Variants in ERO1A observed in about 807,000 individuals in gnomAD.
ERO1A encodes ERO1-like protein alpha.
Under a neutral mutation model 76.9 loss-of-function variants are expected in ERO1A, and 49 were observed. That is an observed-to-expected ratio of 0.64 (90% CI 0.51 to 0.81). The LOEUF (loss-of-function observed/expected upper bound fraction) is 0.81, where lower values mean the gene tolerates loss of function less well. Ranked by LOEUF, ERO1A falls within the 30% of genes least tolerant of loss-of-function variation. The pLI is 0.00. For missense variants in ERO1A, 448 were observed against 542.1 expected (o/e 0.83, Z 1.72); for synonymous variants, 174 against 181.2 (o/e 0.96, Z 0.32).
intron 13 of ERO1A, among the ~76,000 whole-genome samples, chr14:52,649,514 C>T (rs1454795166): frequency 6.6e-6 from 1 of 152,016 alleles, no homozygotes. Context: ...GACTCTCTAC[C>T]TAAACTTCAT....
At chr14:52,685,526 C>T (rs1243101538) in intron 1 of ERO1A, among the ~76,000 whole-genome samples, 1 of 152,166 alleles carries the variant, frequency 6.6e-6, no homozygotes, top group African/African-American at 2.4e-5. Flanking sequence ...AGCTGTTTCT[C>T]CCCTTTGATA....
At chr14:52,661,997 C>A (rs186631726) in intron 8 of ERO1A, among the ~76,000 whole-genome samples, 3 of 151,796 alleles carry the variant, frequency 2.0e-5, no homozygotes, top group Admixed American at 1.3e-4. Flanking sequence ...TAGTGAATAT[C>A]TTTTTAGTTT....
At chr14:52,682,172 T>C (rs1232520386) in intron 3 of ERO1A, among the ~76,000 whole-genome samples, 153 bp downstream of exon 3, 4 of 152,192 alleles carry the variant, frequency 2.6e-5, no homozygotes, top group Non-Finnish European at 5.9e-5. Context: ...GGCAGATGGA[T>C]TGTTTGAGCC....
At chr14:52,689,168 GGTCTCAAAC>G (rs1335184907) in intron 1 of ERO1A, among the ~76,000 whole-genome samples, 1 of 152,038 alleles carries the variant, frequency 6.6e-6, no homozygotes, top group African/African-American at 2.4e-5. Context: ...TGGTCAGGCT[GGTCTCAAAC>G]TCCTGACCTC....
chr14:52,687,875 C>G (rs2041228814), intron 1 of ERO1A, among the ~76,000 whole-genome samples: 1 of 152,138 alleles, frequency 6.6e-6, no homozygotes, highest in Admixed American at 6.5e-5. Context: ...TGACAAGTAA[C>G]ATGGACCACT....
chr14:52,644,862 G>A (rs140248625), intron 15 of ERO1A, among the ~76,000 whole-genome samples: 1 of 152,082 alleles, frequency 6.6e-6, no homozygotes, highest in Admixed American at 6.5e-5. Flanking sequence ...TAACTATCTA[G>A]CCCTTGGATG....
In ERO1A at chr14:52,684,029, C is replaced by T. The variant is rs369810143; in HGVS notation, c.115-122G>A. ...CCAGTCCTTATCCTCCCTCCTCCCA[C>T]ATAGTTTCTTGAGATGGGGTATGAC... On this transcript the variant is annotated intron_variant, in intron 1 of 15. Coordinates refer to ENST00000395686, the MANE Select transcript of ERO1A (RefSeq NM_014584.3). 4 of 638,932 alleles carry T rather than the reference C, an allele frequency of 6.3e-6. No homozygotes were observed. The East Asian group carries it at 8.5e-5, about 14-fold the overall frequency. The allele number at this position is 638,932 out of a possible 1,614,324, so 39.6% of individuals were successfully genotyped here. A position where few individuals can be genotyped will look rare whatever the true frequency, so the allele number is the denominator to read the frequency against.
chr14:52,689,775 GA>G (rs887824004), intron 1 of ERO1A, among the ~76,000 whole-genome samples: 3 of 151,704 alleles, frequency 2.0e-5, no homozygotes, highest in Admixed American at 6.6e-5. Context: ...CACAAAAATA[GA>G]AAAAAAAATT....
chr14:52,682,227 C>G (rs1223196855), intron 3 of ERO1A, 98 bp downstream of exon 3: 10 of 938,058 alleles, frequency 1.1e-5, no homozygotes, highest in Non-Finnish European at 1.6e-5. Context: ...AACCTCATCT[C>G]TATTTTTTCA....
rs1030260683 is a variant in ERO1A at position 52,695,540 on chromosome 14, G to A, written c.-59C>T. On this transcript the variant is annotated 5_prime_UTR_variant, in exon 1 of 16. Coordinates refer to ENST00000395686, the MANE Select transcript of ERO1A (RefSeq NM_014584.3). ...GAGGCCAGTCCGCACGCTCGGTCGCGGGCCGTGCGCCCTCAGATGAAGCCC... is the reference window on the plus strand; with the variant it reads ...GAGGCCAGTCCGCACGCTCGGTCGCAGGCCGTGCGCCCTCAGATGAAGCCC... The A allele has an allele frequency of 3.2e-6, 4 of 1,268,186 alleles. No individual in the cohort carries two copies. In the East Asian group the frequency reaches 9.2e-5, roughly 29 times the overall value. 78.6% of individuals were successfully genotyped at this position (1,268,186 alleles called of 1,614,324 possible).
intron 15 of ERO1A, 63 bp downstream of exon 15, chr14:52,646,091 G>A: frequency 1.3e-6 from 2 of 1,518,642 alleles, no homozygotes; most frequent in Non-Finnish European, 1.8e-6. Flanking sequence ...TTTTTTCTGA[G>A]AGCATATATG....
intron 6 of ERO1A, 89 bp downstream of exon 6, chr14:52,671,541 C>T (rs554599030): frequency 9.5e-5 from 82 of 867,060 alleles, no homozygotes; most frequent in African/African-American, 4.8e-4. Context: ...ACTACAGGCA[C>T]ACCACCATGC....
In ERO1A at chr14:52,643,260, C is replaced by T. The variant is rs551450239; in HGVS notation, c.*310G>A. The stretch of plus-strand genomic sequence containing the variant: ...TTATATTACATATTATTACATAAAA[C>T]GCTAGTTTGAGAGACTTAGAACATT... On this transcript the variant is annotated 3_prime_UTR_variant, in exon 16 of 16. Coordinates refer to ENST00000395686, the MANE Select transcript of ERO1A (RefSeq NM_014584.3). The T allele has an allele frequency of 2.2e-5, 4 of 182,168 alleles. No individual in the cohort carries two copies. The highest frequency in any genetic ancestry group is 4.7e-5 in the African/African-American group (2 of 42,908). The allele number at this position is 182,168 out of a possible 1,614,324, so 11.3% of individuals were successfully genotyped here.
chr14:52,651,817 C>T (rs1465738102), intron 13 of ERO1A, among the ~76,000 whole-genome samples: 2 of 152,086 alleles, frequency 1.3e-5, no homozygotes, highest in African/African-American at 4.8e-5. Flanking sequence ...AAAATCTACA[C>T]TTTTGGCAAT....
At chr14:52,654,321 A>C (rs916837926) in intron 11 of ERO1A, among the ~76,000 whole-genome samples, 12 of 152,138 alleles carry the variant, frequency 7.9e-5, no homozygotes, top group Admixed American at 3.3e-4. Context: ...CACACAAAAC[A>C]ATTTTTAGAT....
intron 11 of ERO1A, 27 bp from the exon 12 acceptor site, chr14:52,653,342 A>T (rs755120304): frequency 1.3e-6 from 2 of 1,540,020 alleles, no homozygotes; most frequent in Admixed American, 2.1e-5. Flanking sequence ...ATTAAATATT[A>T]AAAACTGAAT....
chr14:52,656,978 G>A (rs1317359129), intron 11 of ERO1A, among the ~76,000 whole-genome samples: 1 of 152,102 alleles, frequency 6.6e-6, no homozygotes, highest in African/African-American at 2.4e-5. Flanking sequence ...TGGCTCAGGA[G>A]GTGGGACTCA....
At chr14:52,667,284 G>C (rs2040444660) in intron 6 of ERO1A, among the ~76,000 whole-genome samples, 1 of 152,210 alleles carries the variant, frequency 6.6e-6, no homozygotes, top group Admixed American at 6.5e-5. Context: ...ATTTATAAAA[G>C]GGAAAATTGG....
At chr14:52,654,181 T>G (rs1006423351) in intron 11 of ERO1A, among the ~76,000 whole-genome samples, 4 of 152,172 alleles carry the variant, frequency 2.6e-5, no homozygotes, top group African/African-American at 9.6e-5. Context: ...TTTTCTGTTT[T>G]TCTTTGCCTG....
Sources: gnomAD v4.1 joint callset for allele counts (sites outside exome capture counted in the v4.1 genomes callset) on GRCh38, gnomAD v4.1.1 for gene constraint, MANE v1.5 for transcripts, NCBI Gene and HGNC (gene_info 2026-07-23, HGNC 2026-07-21) for gene names.